The following CAAP1 variants were observed in gnomAD, a reference collection of about 807,000 sequenced individuals.
The protein encoded by CAAP1 is caspase activity and apoptosis inhibitor 1, also known as conserved anti-apoptotic protein.
A neutral mutation model predicts 34.0 loss-of-function variants in CAAP1; 20 were observed. That is an observed-to-expected ratio of 0.59 (90% CI 0.41 to 0.86). CAAP1 has a LOEUF of 0.86. Ranked by LOEUF, CAAP1 falls within the 40% of genes least tolerant of loss-of-function variation. The pLI is 0.00. For synonymous variants in CAAP1, 213 were observed against 166.7 expected (o/e 1.28, Z -2.14); for missense variants, 538 against 450.5 (o/e 1.19, Z -1.76).
intron 4 of CAAP1, among the ~76,000 whole-genome samples, chr9:26,862,963 G>A (rs867227466): frequency 5.9e-5 from 9 of 152,092 alleles, no homozygotes; most frequent in African/African-American, 1.9e-4. Context: ...ATGCAAATGG[G>A]ATAGAAGGTC....
intron 3 of CAAP1, among the ~76,000 whole-genome samples, 191 bp from the exon 4 acceptor site, chr9:26,885,076 T>TCTCATTGC (rs1823699690): frequency 7.8e-6 from 1 of 127,516 alleles, no homozygotes; most frequent in African/African-American, 3.4e-5. Context: ...TCTCATTGCT[T>TCTCATTGC]TTTTTTTTTT....
chr9:26,876,223 A>G (rs1823424111), intron 4 of CAAP1, among the ~76,000 whole-genome samples: 1 of 152,070 alleles, frequency 6.6e-6, no homozygotes, highest in African/African-American at 2.4e-5. Flanking sequence ...CATCATTTTA[A>G]TCTCTGCTTC....
intron 4 of CAAP1, among the ~76,000 whole-genome samples, chr9:26,879,064 T>C (rs1823520832): frequency 6.6e-6 from 1 of 152,212 alleles, no homozygotes; most frequent in Non-Finnish European, 1.5e-5. Context: ...TTTGGAGAAA[T>C]GTACACTGAT....
chr9:26,879,855 C>T (rs7023459), intron 4 of CAAP1, among the ~76,000 whole-genome samples: 6,488 of 152,258 alleles, frequency 0.043, 472 homozygotes, highest in African/African-American at 0.15. Context: ...TTCCCTACTT[C>T]TGAGGTTTTG....
Position 26,892,436 on chromosome 9 carries a change from TG to T in CAAP1, c.279del (p.Ser94AlafsTer36), listed in dbSNP as rs1396747123. 2.5e-6 allele frequency: 4 copies of T among 1,601,822 alleles called. No homozygotes were observed. Among genetic ancestry groups the T allele is most frequent in the Non-Finnish European group, 3.4e-6 (4 of 1,176,126 alleles). The stretch of plus-strand genomic sequence containing the variant: ...ACCTGCTGCAAGGAGCCCGAGACGC[TG>T]GAAGAGTCGGTACTCCTCCGCTTCC... ...ERRKRRSTDS[S>X]SVSGSLQQET... On this transcript the variant is annotated frameshift_variant, in exon 1 of 6. Coordinates refer to ENST00000333916, the MANE Select transcript of CAAP1 (RefSeq NM_024828.4). LOFTEE classifies it high-confidence loss of function.
intron 5 of CAAP1, among the ~76,000 whole-genome samples, chr9:26,855,184 A>T (rs985536660): frequency 6.6e-6 from 1 of 152,244 alleles, no homozygotes; most frequent in African/African-American, 2.4e-5. Flanking sequence ...AGCCACACAA[A>T]GACATAGAGG....
At chr9:26,866,644 T>C (rs7036871) in intron 4 of CAAP1, among the ~76,000 whole-genome samples, 11,470 of 152,254 alleles carry the variant, frequency 0.075, 478 homozygotes, top group Middle Eastern at 0.15. Flanking sequence ...CTTTGAAGCT[T>C]GGGACCTTAA....
intron 4 of CAAP1, among the ~76,000 whole-genome samples, chr9:26,867,308 C>T (rs766610246): frequency 6.6e-6 from 1 of 152,164 alleles, no homozygotes; most frequent in Non-Finnish European, 1.5e-5. Flanking sequence ...CTTCCTTATG[C>T]TTCTATCATA....
In CAAP1 at chr9:26,844,288, C is replaced by T. The variant is rs546012028; in HGVS notation, c.740-1641G>A. On this transcript the variant is annotated intron_variant, in intron 5 of 5. Transcript: ENST00000333916. ...AAGAGAATCACTTGAACCTGGGAGG[C>T]GGAGGTTGTGGTGAGCCAAGATCGT... Among the ~76,000 whole-genome samples, 117 of 152,038 alleles carry T rather than the reference C, an allele frequency of 7.7e-4. 2 individuals carry two copies. Among genetic ancestry groups the T allele is most frequent in the African/African-American group, 2.5e-3 (105 of 41,450 alleles).
intron 4 of CAAP1, among the ~76,000 whole-genome samples, chr9:26,881,463 G>GT (rs761427310): frequency 6.6e-6 from 1 of 152,220 alleles, no homozygotes; most frequent in Non-Finnish European, 1.5e-5. Flanking sequence ...TCTGGTGGAA[G>GT]TAAGTTTCAC....
chr9:26,877,858 ATATT>A (rs1025796054), intron 4 of CAAP1, among the ~76,000 whole-genome samples: 5 of 151,452 alleles, frequency 3.3e-5, no homozygotes, highest in Admixed American at 6.6e-5. Flanking sequence ...ATATTTTCCT[ATATT>A]TATTACACAG....
chr9:26,851,490 G>A (rs765805088), intron 5 of CAAP1, among the ~76,000 whole-genome samples: 2 of 152,108 alleles, frequency 1.3e-5, no homozygotes, highest in Non-Finnish European at 2.9e-5. Flanking sequence ...CACCATTCTA[G>A]GATAAAAAGC....
At chr9:26,865,272 C>T (rs1319136671) in intron 4 of CAAP1, among the ~76,000 whole-genome samples, 2 of 152,104 alleles carry the variant, frequency 1.3e-5, no homozygotes, top group African/African-American at 2.4e-5. Context: ...TGCCTGTAAT[C>T]CCAGCACTTT....
rs963849910 is a variant in CAAP1 at position 26,856,445 on chromosome 9, C to G, written c.739+4621G>C. On this transcript the variant is annotated intron_variant, in intron 5 of 5. Transcript: ENST00000333916. ...AAAGAGTGTATATTTCACATTGCTT[C>G]CATTAAACAATTTAGGAAAACAGTT... is the stretch of plus-strand genomic sequence containing the variant. 4.6e-5 allele frequency among the ~76,000 whole-genome samples: 7 copies of G among 152,140 alleles called. No homozygotes were observed. The South Asian group carries it at 1.5e-3, about 32-fold the overall frequency.
chr9:26,884,978 G>T, intron 3 of CAAP1, 93 bp from the exon 4 acceptor site: 1 of 937,530 alleles, frequency 1.1e-6, no homozygotes, highest in Non-Finnish European at 1.6e-6. Flanking sequence ...TAAAAGTGAT[G>T]CAGATTAAAG....
chr9:26,849,827 C>T (rs1822702101), intron 5 of CAAP1, among the ~76,000 whole-genome samples: 2 of 151,568 alleles, frequency 1.3e-5, no homozygotes, highest in Admixed American at 1.3e-4. Context: ...ATGATTACTT[C>T]TAATAGTAAA....
chr9:26,846,088 C>T (rs1420333418), intron 5 of CAAP1, among the ~76,000 whole-genome samples: 1 of 151,562 alleles, frequency 6.6e-6, no homozygotes, highest in Non-Finnish European at 1.5e-5. Context: ...GTTTGTTCCA[C>T]AGCCAATTCT....
chr9:26,858,916 T>C (rs1334136876), intron 5 of CAAP1, among the ~76,000 whole-genome samples: 1 of 142,650 alleles, frequency 7.0e-6, no homozygotes, highest in Non-Finnish European at 1.5e-5. Context: ...GAGAATGGTG[T>C]GAACCTGGGA....
At chr9:26,862,725 T>TGAAGGACATTACTGAGTC (rs1392742686) in intron 4 of CAAP1, among the ~76,000 whole-genome samples, 2 of 152,286 alleles carry the variant, frequency 1.3e-5, no homozygotes, top group South Asian at 2.1e-4. Context: ...GAAAACGTTA[T>TGAAGGACATTACTGAGTC]GAAGGACATT....
Sources: allele counts gnomAD v4.1 joint callset (sites outside exome capture counted in the v4.1 genomes callset), GRCh38; gene constraint gnomAD v4.1.1; transcripts MANE v1.5; gene names NCBI Gene and HGNC (gene_info 2026-07-23, HGNC 2026-07-21).